ENTREP2: variants seen among roughly 807,000 people sequenced by gnomAD.
The protein encoded by ENTREP2 is endosomal transmembrane epsin interactor 2.
At chr15:29,128,799 G>A in the ENTREP2 span, 1 of 1,550,914 alleles carries the variant, frequency 6.4e-7, no homozygotes, top group Admixed American at 2.0e-5. Context: ...CTGGAGTGCT[G>A]AAGCCAGCAC....
the ENTREP2 span, among the ~76,000 whole-genome samples, chr15:29,522,985 A>G: frequency 1.1e-4 from 16 of 152,226 alleles, no homozygotes; most frequent in Non-Finnish European, 7.3e-5. Flanking sequence ...AAACTCCAAT[A>G]AAGTGCTGAA....
the ENTREP2 span, among the ~76,000 whole-genome samples, chr15:29,431,648 CATA>C: frequency 6.6e-6 from 1 of 152,036 alleles, no homozygotes; most frequent in African/African-American, 2.4e-5. Flanking sequence ...TTAGTCTGTT[CATA>C]ATATGATTTT....
At chr15:29,386,976 T>G in the ENTREP2 span, among the ~76,000 whole-genome samples, 2 of 152,212 alleles carry the variant, frequency 1.3e-5, no homozygotes, top group Admixed American at 1.3e-4. Context: ...TTTTCCTAAT[T>G]GAATACCCTT....
At chr15:29,574,779 C>T in the ENTREP2 span, among the ~76,000 whole-genome samples, 2 of 152,152 alleles carry the variant, frequency 1.3e-5, no homozygotes, top group Middle Eastern at 3.2e-3. Context: ...GAGAAAGAAT[C>T]TAGACCCTTG....
chr15:29,471,679 C>T, the ENTREP2 span, among the ~76,000 whole-genome samples: 4 of 152,190 alleles, frequency 2.6e-5, no homozygotes, highest in Non-Finnish European at 4.4e-5. Flanking sequence ...CGGGGTAATA[C>T]GTAAGCCCCG....
At chr15:29,562,070 C>T in the ENTREP2 span, among the ~76,000 whole-genome samples, 3 of 152,322 alleles carry the variant, frequency 2.0e-5, no homozygotes, top group African/African-American at 7.2e-5. Flanking sequence ...GCCAAGTCTG[C>T]CCATGAGGAT....
At chr15:29,579,458 ACTCT>A in the ENTREP2 span, among the ~76,000 whole-genome samples, 1 of 149,492 alleles carries the variant, frequency 6.7e-6, no homozygotes, top group African/African-American at 2.5e-5. Context: ...TTCTCTCTTC[ACTCT>A]CTCCAACATG....
the ENTREP2 span, among the ~76,000 whole-genome samples, chr15:29,497,402 T>C: frequency 2.0e-5 from 3 of 152,186 alleles, no homozygotes; most frequent in Non-Finnish European, 4.4e-5. Flanking sequence ...TCCTGGACTT[T>C]TCTTTGATAG....
the ENTREP2 span, among the ~76,000 whole-genome samples, chr15:29,202,058 T>C: frequency 1.3e-5 from 2 of 152,222 alleles, no homozygotes; most frequent in Non-Finnish European, 2.9e-5. Flanking sequence ...TTCATTTGTG[T>C]AAAGCCATTC....
At chr15:29,591,622 G>A in the ENTREP2 span, among the ~76,000 whole-genome samples, 4 of 152,076 alleles carry the variant, frequency 2.6e-5, no homozygotes, top group South Asian at 6.2e-4. Flanking sequence ...GGCTGGGTGC[G>A]GTGGTTCACA....
the ENTREP2 span, among the ~76,000 whole-genome samples, chr15:29,231,890 C>CTTTTTTTTTT: frequency 2.2e-5 from 3 of 136,838 alleles, 1 homozygote; most frequent in African/African-American, 8.1e-5. Context: ...CTTTTCTTTT[C>CTTTTTTTTTT]TTTCTTTTTT....
chr15:29,511,260 G>A, the ENTREP2 span, among the ~76,000 whole-genome samples: 1 of 152,114 alleles, frequency 6.6e-6, no homozygotes, highest in Admixed American at 6.5e-5. Flanking sequence ...GCAGAGGAGG[G>A]CTCATTTTTA....
the ENTREP2 span, among the ~76,000 whole-genome samples, chr15:29,367,719 T>C: frequency 1.3e-5 from 2 of 152,138 alleles, no homozygotes; most frequent in Admixed American, 6.5e-5. Context: ...ACAGACCCCC[T>C]TGTCAAAGAC....
At chr15:29,413,393 G>GT in the ENTREP2 span, among the ~76,000 whole-genome samples, 4 of 152,138 alleles carry the variant, frequency 2.6e-5, no homozygotes, top group Middle Eastern at 3.4e-3. Context: ...ATTTTTATGT[G>GT]TTTTTTCTTT....
At chr15:29,346,669 T>A in the ENTREP2 span, among the ~76,000 whole-genome samples, 515 of 152,314 alleles carry the variant, frequency 3.4e-3, 5 homozygotes, top group African/African-American at 0.012. Context: ...GACATCCAAA[T>A]TCGTATTTCA....
chr15:29,227,561 G>A, the ENTREP2 span, among the ~76,000 whole-genome samples: 1 of 152,260 alleles, frequency 6.6e-6, no homozygotes, highest in South Asian at 2.1e-4. Context: ...GCCAGAAAGG[G>A]CTGGGAGGAC....
chr15:29,471,051 T>C, the ENTREP2 span, among the ~76,000 whole-genome samples: 1 of 152,168 alleles, frequency 6.6e-6, no homozygotes. Context: ...ACTCCTGAAT[T>C]CATTAAGCAG....
the ENTREP2 span, chr15:29,376,797 A>G: frequency 1.3e-5 from 2 of 152,262 alleles, no homozygotes; most frequent in Non-Finnish European, 2.9e-5. Flanking sequence ...AGGGCTCCGG[A>G]TGGCCTTGTG....
the ENTREP2 span, among the ~76,000 whole-genome samples, chr15:29,421,364 A>C: frequency 6.6e-6 from 1 of 152,260 alleles, no homozygotes; most frequent in Non-Finnish European, 1.5e-5. Flanking sequence ...CAGAGAGAAA[A>C]TGAAAAGCTA....
Sources: gnomAD v4.1 joint callset for allele counts (sites outside exome capture counted in the v4.1 genomes callset) on GRCh38, gnomAD v4.1.1 for gene constraint, MANE v1.5 for transcripts, NCBI Gene and HGNC (gene_info 2026-07-23, HGNC 2026-07-21) for gene names.